ZBTB25: variants seen among roughly 807,000 people sequenced by gnomAD.
ZBTB25 encodes zinc finger and BTB domain containing 25.
In ZBTB25, 20 loss-of-function variants were observed where a neutral mutation model predicts 34.2. That is an observed-to-expected ratio of 0.58 (90% CI 0.41 to 0.85). The LOEUF (loss-of-function observed/expected upper bound fraction) is 0.85, where lower values mean the gene tolerates loss of function less well. Ranked by LOEUF, ZBTB25 falls within the 40% of genes least tolerant of loss-of-function variation. ZBTB25 has a pLI of 0.00. For synonymous variants in ZBTB25, 175 were observed against 186.4 expected (o/e 0.94, Z 0.50); for missense variants, 437 against 521.8 (o/e 0.84, Z 1.58).
At chr14:64,461,732 ATTACAGGTTCGCACCAC>A (rs2078559252) in intron 2 of ZBTB25, 1 of 152,378 alleles carries the variant, frequency 6.6e-6, no homozygotes, top group Non-Finnish European at 1.5e-5. Context: ...AGTAGCTGGG[ATTACAGGTTCGCACCAC>A]CATGCCTGGC....
At chr14:64,459,891 G>T (rs1248578397) in intron 2 of ZBTB25, 131 of 1,535,948 alleles carry the variant, frequency 8.5e-5, no homozygotes, top group Non-Finnish European at 1.1e-4. Context: ...AATAGTAGGA[G>T]TTTCCCCAGA....
Position 64,486,425 on chromosome 14 carries a change from T to A in ZBTB25, c.*498A>T. 1 of 979,900 alleles carries A rather than the reference T, an allele frequency of 1.0e-6. No homozygotes were observed. The allele number at this position is 979,900 out of a possible 1,614,324, so 60.7% of individuals were successfully genotyped here. ...TTTGGTATATCTTAAAATAAATTTT[T>A]ATACATTATAACATATGTATAACAT... is the stretch of plus-strand genomic sequence containing the variant. On this transcript the variant is annotated 3_prime_UTR_variant, in exon 3 of 3. Coordinates refer to ENST00000608382, the MANE Select transcript of ZBTB25 (RefSeq NM_006977.5).
intron 2 of ZBTB25, among the ~76,000 whole-genome samples, chr14:64,450,838 G>C (rs2078359223): frequency 6.6e-6 from 1 of 152,076 alleles, no homozygotes; most frequent in Non-Finnish European, 1.5e-5. Context: ...CCCCTGAGTA[G>C]GTGGGACCAC....
At chr14:64,489,180 G>A (rs1027107673) in intron 2 of ZBTB25, among the ~76,000 whole-genome samples, 3 of 152,082 alleles carry the variant, frequency 2.0e-5, no homozygotes, top group Non-Finnish European at 2.9e-5. Flanking sequence ...CCTGGGAGGC[G>A]GAGGTTGCAG....
At chr14:64,504,671 C>A, upstream of ZBTB25, 1 of 352,916 alleles carries the variant, frequency 2.8e-6, no homozygotes, top group Non-Finnish European at 5.1e-6. Flanking sequence ...GGCTGGCGGA[C>A]GCCGCAGCGA....
chr14:64,481,448 A>G lies in ZBTB25; in HGVS notation c.*5475T>C, dbSNP rs2078792348. On this transcript the variant is annotated 3_prime_UTR_variant, in exon 3 of 3. Coordinates refer to ENST00000608382, the MANE Select transcript of ZBTB25 (RefSeq NM_006977.5). Reference sequence around the variant, plus strand: ...TTGATTTTGGTCTCCTGTATTAGCTATGTGTTACATGTACTTTGAAGATTT... The same window carrying G: ...TTGATTTTGGTCTCCTGTATTAGCTGTGTGTTACATGTACTTTGAAGATTT... 1 of 152,236 alleles carries G rather than the reference A, an allele frequency of 6.6e-6. No individual in the cohort carries two copies. The highest frequency in any genetic ancestry group is 1.5e-5 in the Non-Finnish European group (1 of 68,044). 9.4% of individuals were successfully genotyped at this position (152,236 alleles called of 1,614,324 possible).
At chr14:64,504,498 G>A (rs574558620), upstream of ZBTB25, 6 of 162,132 alleles carry the variant, frequency 3.7e-5, no homozygotes, top group South Asian at 6.1e-4. Flanking sequence ...CTTGAGAGGG[G>A]CAAGAGGGGT....
At position 64,487,955 on chromosome 14, in the gene ZBTB25, A is replaced by G. The variant is rs756366258; in HGVS notation, c.276T>C (p.His92=). ...TGKGPKQIVD[H]SRLEEGIRFL... is the part of the protein sequence containing the mutation. ...ATCGAATCCCTTCCTCCAAACGACTATGATCCACAATCTGTTTTGGCCCTT... is the reference window on the plus strand; with the variant it reads ...ATCGAATCCCTTCCTCCAAACGACTGTGATCCACAATCTGTTTTGGCCCTT... Residue 92 remains histidine (H), a synonymous_variant, in exon 3 of 3, where the codon CAT becomes CAC. Coordinates refer to ENST00000608382, the MANE Select transcript of ZBTB25 (RefSeq NM_006977.5). 6.2e-7 allele frequency: 1 copy of G among 1,614,190 alleles called. No homozygotes were observed. The highest frequency in any genetic ancestry group is 8.5e-7 in the Non-Finnish European group (1 of 1,180,030).
intron 2 of ZBTB25, chr14:64,468,999 G>T: frequency 6.2e-7 from 1 of 1,614,194 alleles, no homozygotes; most frequent in Non-Finnish European, 8.5e-7. Flanking sequence ...GTGAGCAATA[G>T]CACAACTTCT....
chr14:64,458,243 G>A, intron 2 of ZBTB25: 1 of 1,613,132 alleles, frequency 6.2e-7, no homozygotes, highest in Non-Finnish European at 8.5e-7. Context: ...TCCCCACCCG[G>A]CCCTGTTTTT....
intron 1 of ZBTB25, among the ~76,000 whole-genome samples, chr14:64,494,078 G>GA (rs1049137292): frequency 2.0e-5 from 3 of 151,898 alleles, no homozygotes; most frequent in African/African-American, 7.3e-5. Context: ...AAATAAGAGG[G>GA]AAAAAAGCTA....
rs2079128607 is a variant in ZBTB25 at position 64,492,746 on chromosome 14, T to C, written c.-7-2206A>G. Among the ~76,000 whole-genome samples the C allele has an allele frequency of 3.3e-5, 5 of 152,162 alleles. No individual in the cohort carries two copies. The South Asian group carries it at 8.3e-4, about 25-fold the overall frequency. On this transcript the variant is annotated intron_variant, in intron 1 of 2. Transcript: ENST00000608382. ...AGGAATCTTATGGTTAATGGTCTGT[T>C]GGTAACAGTTAAATTCTTCACTTAT... is the stretch of plus-strand genomic sequence containing the variant.
At chr14:64,464,509 C>T (rs563748892) in intron 2 of ZBTB25, among the ~76,000 whole-genome samples, 2 of 152,270 alleles carry the variant, frequency 1.3e-5, no homozygotes, top group South Asian at 2.1e-4. Flanking sequence ...AAATATAAAA[C>T]ATTTCCGGAA....
intron 1 of ZBTB25, 88 bp downstream of exon 1, chr14:64,503,573 G>A (rs1229313490): frequency 2.0e-6 from 2 of 985,888 alleles, no homozygotes; most frequent in Non-Finnish European, 2.4e-6. Context: ...CCCGCGACTG[G>A]TGCAGCTGCA....
chr14:64,449,179 A>G (rs995200470), exon 3 of ZBTB25: 24 of 509,922 alleles, frequency 4.7e-5, no homozygotes, highest in Non-Finnish European at 2.9e-5. Flanking sequence ...TGGATTTACC[A>G]TCTGAGTCTC....
chr14:64,501,946 C>T (rs1400736198), intron 1 of ZBTB25, among the ~76,000 whole-genome samples: 1 of 152,218 alleles, frequency 6.6e-6, no homozygotes, highest in Non-Finnish European at 1.5e-5. Context: ...CCCTTCCCGG[C>T]TGAAACAGGA....
In ZBTB25 at chr14:64,486,048, C is replaced by T; in HGVS notation, c.*875G>A. On this transcript the variant is annotated 3_prime_UTR_variant, in exon 3 of 3. Transcript: ENST00000608382. ...AATGAGATATACCACATCTGTAATCCCAGCACTTTGGGAGGCCAAGGCGGG... is the reference window on the plus strand; with the variant it reads ...AATGAGATATACCACATCTGTAATCTCAGCACTTTGGGAGGCCAAGGCGGG... 1.0e-6 allele frequency: 1 copy of T among 983,252 alleles called. No homozygotes were observed. The highest frequency in any genetic ancestry group is 1.2e-6 in the Non-Finnish European group (1 of 828,170). 60.9% of individuals were successfully genotyped at this position (983,252 alleles called of 1,614,324 possible).
At position 64,451,198 on chromosome 14, in the gene ZBTB25, T is replaced by C. The variant is rs547193042; in HGVS notation, c.174-1560A>G. On this transcript the variant is annotated intron_variant, in intron 2 of 2. Transcript: ENST00000555220. The stretch of plus-strand genomic sequence containing the variant: ...AATTTTGTTTTATTTTATTTTATTT[T>C]TCTTGTAGTGACTGGGTCTCCCTAT... Among the ~76,000 whole-genome samples the C allele has an allele frequency of 2.0e-5, 3 of 152,254 alleles. 1 individual carries two copies. The South Asian group carries it at 6.2e-4, about 32-fold the overall frequency.
In ZBTB25 at chr14:64,486,722, G is replaced by C. The variant is rs1455054740; in HGVS notation, c.*201C>G. ...TTATTTCGTTTGTGAAAAGTTCACA[G>C]TAGTAATTGAATGTTACATTTTAAT... On this transcript the variant is annotated 3_prime_UTR_variant, in exon 3 of 3. Transcript: ENST00000608382. 1.6e-6 allele frequency: 2 copies of C among 1,237,456 alleles called. No homozygotes were observed. Among genetic ancestry groups the C allele is most frequent in the African/African-American group, 3.1e-5 (2 of 64,468 alleles). The allele number at this position is 1,237,456 out of a possible 1,614,324, so 76.7% of individuals were successfully genotyped here.
Sources: allele counts gnomAD v4.1 joint callset (sites outside exome capture counted in the v4.1 genomes callset), GRCh38; gene constraint gnomAD v4.1.1; transcripts MANE v1.5; gene names NCBI Gene and HGNC (gene_info 2026-07-23, HGNC 2026-07-21).